DDC: variants seen among roughly 807,000 people sequenced by gnomAD.
DDC encodes the protein aromatic-L-amino-acid decarboxylase.
DDC carries 43 observed loss-of-function variants against 60.0 expected under a neutral mutation model. The ratio of observed to expected loss-of-function variants is 0.72; its 90% CI spans 0.56 to 0.92. The LOEUF (loss-of-function observed/expected upper bound fraction) is 0.92. Ranked by LOEUF, DDC falls within the 40% of genes least tolerant of loss-of-function variation. The pLI is 0.00. For missense variants in DDC, 573 were observed against 620.2 expected (o/e 0.92, Z 0.81); for synonymous variants, 232 against 234.6 (o/e 0.99, Z 0.10).
At position 50,510,128 on chromosome 7, in the gene DDC, T is replaced by C. The variant is rs561106371; in HGVS notation, c.715-6069A>G. ...CTGGGACTACAGGTGACTGCCACCA[T>C]GCCCGGCTAATTTTGTTTTTGTATT... On this transcript the variant is annotated intron_variant, in intron 6 of 14. Transcript: ENST00000444124. Among the ~76,000 whole-genome samples, 17 of 152,128 alleles carry C rather than the reference T, an allele frequency of 1.1e-4. No homozygotes were observed. In the South Asian group the frequency reaches 1.2e-3, roughly 11 times the overall value.
rs367648483 is a variant in DDC at position 50,555,658 on chromosome 7, A to C, written c.-29+9627T>G. On this transcript the variant is annotated intron_variant, in intron 1 of 14. Transcript: ENST00000444124. ...TTGGTCTAAAAAATAGTTAACATTG[A>C]TATGAACTTACATGTGCCAAGAACC... 9.3e-4 allele frequency among the ~76,000 whole-genome samples: 141 copies of C among 152,320 alleles called. 1 individual carries two copies. Among genetic ancestry groups the C allele is most frequent in the African/African-American group, 3.2e-3 (132 of 41,580 alleles).
intron 10 of DDC, among the ~76,000 whole-genome samples, chr7:50,477,860 A>G (rs987875687): frequency 2.6e-5 from 4 of 152,204 alleles, no homozygotes; most frequent in Non-Finnish European, 5.9e-5. Flanking sequence ...AAACCACTGC[A>G]AATGAAACAA....
At chr7:50,459,210 C>T (rs991703804) in intron 14 of DDC, among the ~76,000 whole-genome samples, 8 of 152,362 alleles carry the variant, frequency 5.3e-5, no homozygotes, top group Admixed American at 1.3e-4. Flanking sequence ...CCGCCAGCCT[C>T]GGCCTCCCGA....
chr7:50,511,501 G>A (rs1350917664), intron 6 of DDC, among the ~76,000 whole-genome samples: 1 of 152,138 alleles, frequency 6.6e-6, no homozygotes, highest in African/African-American at 2.4e-5. Context: ...GGCCGAGGCA[G>A]GCAGATCACA....
At chr7:50,549,946 T>C (rs1298980893) in intron 1 of DDC, among the ~76,000 whole-genome samples, 1 of 152,202 alleles carries the variant, frequency 6.6e-6, no homozygotes, top group Non-Finnish European at 1.5e-5. Context: ...GAAGAGGCTG[T>C]GAGTATTGTT....
At chr7:50,561,528 A>G (rs1431897595) in intron 1 of DDC, among the ~76,000 whole-genome samples, 1 of 152,078 alleles carries the variant, frequency 6.6e-6, no homozygotes, top group Admixed American at 6.5e-5. Flanking sequence ...GTGAAGTGAG[A>G]TGTAGATTAG....
intron 10 of DDC, chr7:50,477,616 G>A (rs1199669357): frequency 2.2e-6 from 1 of 449,084 alleles, no homozygotes; most frequent in East Asian, 7.3e-5. Flanking sequence ...TCACCACTTG[G>A]TATCATTCCC....
At chr7:50,501,522 T>G (rs1001290903) in intron 7 of DDC, among the ~76,000 whole-genome samples, 9 of 152,256 alleles carry the variant, frequency 5.9e-5, no homozygotes, top group Non-Finnish European at 8.8e-5. Flanking sequence ...AGGCAGCAAT[T>G]GGAAGAAAAC....
chr7:50,537,876 C>A lies in DDC; in HGVS notation c.419G>T (p.Gly140Val), dbSNP rs866336739. The change falls in exon 4 of 15, where the codon GGG (glycine) becomes GTG (valine). Residue 140 changes from glycine to valine, a missense_variant. Coordinates refer to ENST00000444124, the MANE Select transcript of DDC (RefSeq NM_001082971.2). ...KAFLNEKAGE[G>V]GGVIQGSASE... ...CCACCTTACCTGGATCACTCCTCCC[C>A]CTTCTCCAGCTTTCTCATTCAAAAA... 2 of 1,614,210 alleles carry A rather than the reference C, an allele frequency of 1.2e-6. No homozygotes were observed. Among genetic ancestry groups the A allele is most frequent in the Admixed American group, 1.7e-5 (1 of 60,024 alleles).
At chr7:50,490,180 T>TA (rs1191301740) in intron 9 of DDC, among the ~76,000 whole-genome samples, 2 of 152,224 alleles carry the variant, frequency 1.3e-5, no homozygotes, top group Non-Finnish European at 2.9e-5. Context: ...ACAGAGCTAG[T>TA]AAAAGCCTCT....
intron 1 of DDC, among the ~76,000 whole-genome samples, chr7:50,557,405 A>G (rs747932673): frequency 6.6e-6 from 1 of 152,212 alleles, no homozygotes; most frequent in Non-Finnish European, 1.5e-5. Flanking sequence ...TAACTTGAGC[A>G]ACTTCCAAAG....
chr7:50,499,346 A>C (rs2043198071), intron 7 of DDC, 104 bp from the exon 8 acceptor site: 1 of 762,966 alleles, frequency 1.3e-6, no homozygotes, highest in African/African-American at 1.7e-5. Flanking sequence ...AGAGCATGCC[A>C]ACAGTATTTG....
chr7:50,556,068 G>A lies in DDC; in HGVS notation c.-29+9217C>T, dbSNP rs531649721. Among the ~76,000 whole-genome samples the A allele has an allele frequency of 1.1e-3, 165 of 152,330 alleles. 1 individual carries two copies. Among genetic ancestry groups the A allele is most frequent in the Non-Finnish European group, 5.6e-4 (38 of 68,024 alleles). ...CCACAGGGGCACCGCAGCTTCCACG[G>A]TGCCTTGTTTGCTTATAGATCATGT... is the stretch of plus-strand genomic sequence containing the variant. On this transcript the variant is annotated intron_variant, in intron 1 of 14. Coordinates refer to ENST00000444124, the MANE Select transcript of DDC (RefSeq NM_001082971.2).
At chr7:50,544,174 T>C in intron 1 of DDC, 61 bp from the exon 2 acceptor site, 1 of 1,328,118 alleles carries the variant, frequency 7.5e-7, no homozygotes, top group South Asian at 1.2e-5. Context: ...AAGGCGGGGA[T>C]ACCAAGCAAG....
intron 1 of DDC, among the ~76,000 whole-genome samples, chr7:50,545,276 A>C (rs1372308942): frequency 6.6e-6 from 1 of 152,214 alleles, no homozygotes; most frequent in Non-Finnish European, 1.5e-5. Flanking sequence ...CACCATGAGT[A>C]TTGATATTTA....
intron 6 of DDC, among the ~76,000 whole-genome samples, chr7:50,520,804 C>T (rs1042640933): frequency 1.3e-5 from 2 of 152,038 alleles, no homozygotes; most frequent in South Asian, 4.2e-4. Context: ...GTCCCAGATA[C>T]TCAAGAGGCT....
chr7:50,556,914 G>A (rs185939933), intron 1 of DDC, among the ~76,000 whole-genome samples: 8 of 152,194 alleles, frequency 5.3e-5, no homozygotes, highest in Non-Finnish European at 1.0e-4. Context: ...TGAGCCCATA[G>A]CTCTGCGGCA....
intron 11 of DDC, among the ~76,000 whole-genome samples, chr7:50,472,830 G>C (rs1440123575): frequency 1.3e-5 from 2 of 152,128 alleles, no homozygotes; most frequent in African/African-American, 4.8e-5. Flanking sequence ...ACCAGGGTCT[G>C]CTCATCCTTT....
chr7:50,504,002 C>G lies in DDC; in HGVS notation c.772G>C (p.Gly258Arg). 2 of 1,613,072 alleles carry G rather than the reference C, an allele frequency of 1.2e-6. No homozygotes were observed. The highest frequency in any genetic ancestry group is 8.5e-7 in the Non-Finnish European group (1 of 1,179,026). ...GGAATCGGATACTTACAGATAGGACCGACTTCTAAGAGATTGTCAAAGGAG... is the reference window on the plus strand; with the variant it reads ...GGAATCGGATACTTACAGATAGGACGGACTTCTAAGAGATTGTCAAAGGAG... ...CCSFDNLLEV[G>R]PICNKEDIWL... The change falls in exon 7 of 15, where the codon GGT (glycine) becomes CGT (arginine). Residue 258 changes from glycine (G) to arginine (R), a missense_variant. Gly to Arg is a moderately radical substitution (Grantham distance 125). Transcript: ENST00000444124.
Sources: gnomAD v4.1 joint callset for allele counts (sites outside exome capture counted in the v4.1 genomes callset) on GRCh38, gnomAD v4.1.1 for gene constraint, MANE v1.5 for transcripts, NCBI Gene and HGNC (gene_info 2026-07-23, HGNC 2026-07-21) for gene names.